Variants in KCNQ3 observed in about 807,000 individuals in gnomAD.
KCNQ3 encodes the protein potassium voltage-gated channel subfamily KQT member 3.
A neutral mutation model predicts 92.5 loss-of-function variants in KCNQ3; 30 were observed. The ratio of observed to expected loss-of-function variants is 0.32; its 90% CI spans 0.24 to 0.44. The LOEUF (loss-of-function observed/expected upper bound fraction) is 0.44, where lower values mean the gene tolerates loss of function less well. Ranked by LOEUF, KCNQ3 falls within the 20% of genes least tolerant of loss-of-function variation. The probability of loss-of-function intolerance (pLI) is 1.00; values close to 1 mark genes in which losing one functional copy is unlikely to be tolerated. For synonymous variants in KCNQ3, 450 were observed against 468.8 expected, an observed-to-expected ratio of 0.96 and a Z score of 0.52; for missense variants, 913 against 1,140.3, an observed-to-expected ratio of 0.80 and a Z score of 2.87.
chr8:132,191,939 G>T (rs1165932735), intron 1 of KCNQ3, among the ~76,000 whole-genome samples: 1 of 152,154 alleles, frequency 6.6e-6, no homozygotes, highest in Non-Finnish European at 1.5e-5. Context: ...GTGCAGTGCG[G>T]CCAGCAGGAC....
intron 1 of KCNQ3, among the ~76,000 whole-genome samples, chr8:132,216,928 A>G (rs992741000): frequency 6.6e-6 from 1 of 152,140 alleles, no homozygotes; most frequent in Non-Finnish European, 1.5e-5. Context: ...GGAATTTTGC[A>G]AGGCTGGTAA....
chr8:132,328,330 G>A (rs1054594220), intron 1 of KCNQ3, among the ~76,000 whole-genome samples: 1 of 152,130 alleles, frequency 6.6e-6, no homozygotes, highest in African/African-American at 2.4e-5. Context: ...GCCTAAGAGT[G>A]GGGATAGAGG....
chr8:132,344,720 A>G (rs1379951445), intron 1 of KCNQ3, among the ~76,000 whole-genome samples: 1 of 152,174 alleles, frequency 6.6e-6, no homozygotes, highest in African/African-American at 2.4e-5. Flanking sequence ...GGTTCAGGGT[A>G]TAGAAAGCTG....
chr8:132,371,325 A>G (rs1819468425), intron 1 of KCNQ3, among the ~76,000 whole-genome samples: 1 of 152,186 alleles, frequency 6.6e-6, no homozygotes, highest in African/African-American at 2.4e-5. Flanking sequence ...GTCTTTAGCC[A>G]CCATGTGGCA....
rs116784058 is a variant in KCNQ3 at position 132,183,164 on chromosome 8, T to C, written c.604+1077A>G. On this transcript the variant is annotated intron_variant, in intron 3 of 14. Transcript: ENST00000388996. ...GACTTTTCAAAAGTAAAGTGAAGAATGAGTAGCATGCTCAGAGGAGAGGGA... is the reference window on the plus strand; with the variant it reads ...GACTTTTCAAAAGTAAAGTGAAGAACGAGTAGCATGCTCAGAGGAGAGGGA... Among the ~76,000 whole-genome samples, 377 of 152,222 alleles carry C rather than the reference T, an allele frequency of 2.5e-3. 1 individual carries two copies. The highest frequency in any genetic ancestry group is 8.6e-3 in the African/African-American group (356 of 41,518).
intron 9 of KCNQ3, 98 bp from the exon 10 acceptor site, chr8:132,141,429 GA>G: frequency 4.7e-6 from 5 of 1,055,696 alleles, no homozygotes; most frequent in Non-Finnish European, 7.2e-6. Context: ...CCTCCAAGGA[GA>G]AATGGGGACC....
At chr8:132,303,715 ACAC>A (rs1268765823) in intron 1 of KCNQ3, among the ~76,000 whole-genome samples, 13 of 140,310 alleles carry the variant, frequency 9.3e-5, no homozygotes, top group African/African-American at 3.4e-4. Flanking sequence ...ACATATATAT[ACAC>A]CACATATATG....
intron 1 of KCNQ3, among the ~76,000 whole-genome samples, chr8:132,198,431 C>A (rs1004795063): frequency 1.6e-4 from 24 of 152,322 alleles, no homozygotes; most frequent in African/African-American, 5.8e-4. Context: ...ACTAGTTTTC[C>A]AGGATCTGAA....
chr8:132,442,171 C>G (rs1314704685), intron 1 of KCNQ3, among the ~76,000 whole-genome samples: 1 of 152,014 alleles, frequency 6.6e-6, no homozygotes, highest in Non-Finnish European at 1.5e-5. Context: ...ACAACAAACC[C>G]CCATGACACA....
chr8:132,232,943 A>G (rs1814689635), intron 1 of KCNQ3, among the ~76,000 whole-genome samples: 1 of 152,208 alleles, frequency 6.6e-6, no homozygotes, highest in South Asian at 2.1e-4. Context: ...TTTTATGATG[A>G]TGAGGCAACT....
At chr8:132,245,046 C>T (rs1048965464) in intron 1 of KCNQ3, among the ~76,000 whole-genome samples, 3 of 152,038 alleles carry the variant, frequency 2.0e-5, no homozygotes, top group Non-Finnish European at 2.9e-5. Context: ...AATATACATA[C>T]CTTTTTTTAG....
chr8:132,303,601 G>GGTGT (rs1327982721), intron 1 of KCNQ3, among the ~76,000 whole-genome samples: 5 of 17,514 alleles, frequency 2.9e-4, no homozygotes, highest in African/African-American at 8.9e-4. Flanking sequence ...ATATATATAT[G>GGTGT]GTGTGTATAT....
intron 1 of KCNQ3, among the ~76,000 whole-genome samples, chr8:132,336,358 G>T (rs1818367181): frequency 6.6e-6 from 1 of 152,154 alleles, no homozygotes; most frequent in Admixed American, 6.6e-5. Flanking sequence ...TCAAATGGTG[G>T]CTCTATCCCA....
chr8:132,319,395 G>A (rs889230664), intron 1 of KCNQ3, among the ~76,000 whole-genome samples: 1 of 152,172 alleles, frequency 6.6e-6, no homozygotes, highest in African/African-American at 2.4e-5. Context: ...CTCTCTGAAG[G>A]CAAGGTCTGT....
chr8:132,293,762 G>A (rs1816925891), intron 1 of KCNQ3, among the ~76,000 whole-genome samples: 1 of 152,146 alleles, frequency 6.6e-6, no homozygotes, highest in Admixed American at 6.5e-5. Flanking sequence ...AGTCAGGCAT[G>A]ACACGTGAAA....
chr8:132,180,377 C>A, intron 3 of KCNQ3, 48 bp from the exon 4 acceptor site: 1 of 1,602,518 alleles, frequency 6.2e-7, no homozygotes, highest in South Asian at 1.1e-5. Context: ...AAAGGAAGGT[C>A]ATGCGAAAGC....
In KCNQ3 at chr8:132,140,608, G is replaced by C. The variant is rs1286543399; in HGVS notation, c.1466-430C>G. The C allele has an allele frequency of 1.2e-5, 3 of 244,350 alleles. No individual in the cohort carries two copies. The Admixed American group carries it at 1.5e-4, about 13-fold the overall frequency. The allele number at this position is 244,350 out of a possible 1,614,324, so 15.1% of individuals were successfully genotyped here. A position where few individuals can be genotyped will look rare whatever the true frequency, so the allele number is the denominator to read the frequency against. On this transcript the variant is annotated intron_variant, in intron 10 of 14. Transcript: ENST00000388996. ...ACTTTCTGAGCCGCACACATCAGAG[G>C]CCTTGGAGAGAACTGAATGATACAA...
chr8:132,417,656 C>G (rs1050018733), intron 1 of KCNQ3, among the ~76,000 whole-genome samples: 1 of 151,708 alleles, frequency 6.6e-6, no homozygotes, highest in Non-Finnish European at 1.5e-5. Flanking sequence ...TGACTCAGAC[C>G]TGGGCAAACC....
chr8:132,371,824 G>T (rs1419498970), intron 1 of KCNQ3, among the ~76,000 whole-genome samples: 2 of 152,170 alleles, frequency 1.3e-5, no homozygotes, highest in African/African-American at 4.8e-5. Flanking sequence ...AGCAGAGGAG[G>T]CCTCATGTTT....
Sources: allele counts gnomAD v4.1 joint callset (sites outside exome capture counted in the v4.1 genomes callset), GRCh38; gene constraint gnomAD v4.1.1; transcripts MANE v1.5; gene names NCBI Gene and HGNC (gene_info 2026-07-23, HGNC 2026-07-21).